Variants in MIOS observed in about 807,000 individuals in gnomAD.
MIOS encodes meiosis regulator for oocyte development.
Under a neutral mutation model 96.9 loss-of-function variants are expected in MIOS, and 52 were observed. The observed-to-expected ratio is 0.54, with a 90% CI of 0.43 to 0.68. The LOEUF (loss-of-function observed/expected upper bound fraction) is 0.68, where lower values mean the gene tolerates loss of function less well. Ranked by LOEUF, MIOS falls within the 30% of genes least tolerant of loss-of-function variation. MIOS has a pLI of 0.00. For synonymous variants in MIOS, 397 were observed against 359.5 expected, an observed-to-expected ratio of 1.10 and a Z score of -1.18; for missense variants, 1,005 against 1,052.8, an observed-to-expected ratio of 0.95 and a Z score of 0.63.
At chr7:7,584,215 C>G (rs1369814918) in intron 6 of MIOS, among the ~76,000 whole-genome samples, 2 of 151,372 alleles carry the variant, frequency 1.3e-5, no homozygotes, top group Admixed American at 1.3e-4. Flanking sequence ...CAATGTTTTG[C>G]TCAGATTGGC....
At chr7:7,585,065 A>T (rs1388382430) in intron 6 of MIOS, among the ~76,000 whole-genome samples, 1 of 152,164 alleles carries the variant, frequency 6.6e-6, no homozygotes, top group Non-Finnish European at 1.5e-5. Context: ...TCTGCATTAT[A>T]TATTTAGGAA....
chr7:7,586,988 C>CTTTTTTTTTT (rs71988879), intron 7 of MIOS, among the ~76,000 whole-genome samples: 5 of 123,042 alleles, frequency 4.1e-5, no homozygotes, highest in African/African-American at 1.5e-4. Flanking sequence ...TTTTCTTTCC[C>CTTTTTTTTTT]TTTTTTTTTT....
chr7:7,603,431 C>A (rs921083893), intron 11 of MIOS, among the ~76,000 whole-genome samples: 3 of 152,196 alleles, frequency 2.0e-5, no homozygotes, highest in African/African-American at 4.8e-5. Context: ...CAAAAGAAGA[C>A]ATTTATGCAG....
intron 11 of MIOS, among the ~76,000 whole-genome samples, chr7:7,603,134 C>T (rs1221382612): frequency 6.6e-6 from 1 of 152,164 alleles, no homozygotes; most frequent in Non-Finnish European, 1.5e-5. Flanking sequence ...AAAGGCAATA[C>T]CATTCAGGAC....
intron 6 of MIOS, among the ~76,000 whole-genome samples, chr7:7,583,762 C>G (rs888257528): frequency 7.9e-5 from 12 of 152,190 alleles, no homozygotes; most frequent in Admixed American, 4.6e-4. Context: ...TTTATACTTT[C>G]TTTGGGATGG....
intron 3 of MIOS, among the ~76,000 whole-genome samples, chr7:7,569,010 A>G (rs1445086898): frequency 2.6e-5 from 4 of 152,242 alleles, no homozygotes; most frequent in African/African-American, 9.6e-5. Flanking sequence ...TGTGGCATCA[A>G]GATTGCTTAC....
chr7:7,592,538 G>A (rs952977388), intron 9 of MIOS, among the ~76,000 whole-genome samples: 1 of 152,024 alleles, frequency 6.6e-6, no homozygotes, highest in Non-Finnish European at 1.5e-5. Flanking sequence ...AATACATAAT[G>A]AAATAATTCT....
chr7:7,596,517 G>A lies in MIOS; in HGVS notation c.2401+56G>A, dbSNP rs542045695. ...GAACTGAAATGATTCTTACATAATT[G>A]AGTTAATGTTGCAAATAAAATACAA... On this transcript the variant is annotated intron_variant, in intron 11 of 12. Transcript: ENST00000340080. 16 of 1,499,156 alleles carry A rather than the reference G, an allele frequency of 1.1e-5. No individual in the cohort carries two copies. The South Asian group carries it at 1.8e-4, about 17-fold the overall frequency. The allele number at this position is 1,499,156 out of a possible 1,614,324, so 92.9% of individuals were successfully genotyped here.
chr7:7,601,944 G>A (rs1213561948), intron 11 of MIOS, among the ~76,000 whole-genome samples: 1 of 152,060 alleles, frequency 6.6e-6, no homozygotes, highest in Non-Finnish European at 1.5e-5. Flanking sequence ...ATGTAATCCA[G>A]CACATAAACA....
intron 10 of MIOS, 137 bp from the exon 11 acceptor site, chr7:7,596,120 C>T: frequency 1.4e-6 from 1 of 732,714 alleles, no homozygotes; most frequent in South Asian, 2.3e-5. Flanking sequence ...GCTAGTCAAC[C>T]TTAGCAGATC....
In MIOS at chr7:7,572,943, T is replaced by A; in HGVS notation, c.468T>A (p.Val156=). 6.2e-7 allele frequency: 1 copy of A among 1,614,128 alleles called. No individual in the cohort carries two copies. Among genetic ancestry groups the A allele is most frequent in the Non-Finnish European group, 8.5e-7 (1 of 1,179,986 alleles). The part of the protein sequence containing the change: ...DICSKYTPDI[V]PMEKVKLSAG... ...GCAGCAAATATACTCCTGATATAGT[T>A]CCCATGGAAAAAGTGAAACTTTCAG... Residue 156 remains valine (V), a synonymous_variant, in exon 4 of 13, where the codon GTT becomes GTA. Coordinates refer to ENST00000340080, the MANE Select transcript of MIOS (RefSeq NM_019005.4). This position sits in a 1 kb window ranked among gnomAD's most constrained non-coding sequence, Gnocchi z 4.8.
chr7:7,592,021 C>A (rs896749727), intron 9 of MIOS, among the ~76,000 whole-genome samples: 1 of 151,320 alleles, frequency 6.6e-6, no homozygotes, highest in African/African-American at 2.4e-5. Flanking sequence ...TGCTGTGTCA[C>A]GCAGGCTGGA....
At chr7:7,582,889 C>G in intron 5 of MIOS, 1 of 472,696 alleles carries the variant, frequency 2.1e-6, no homozygotes, top group Non-Finnish European at 3.5e-6. Context: ...TTTAGTCCAT[C>G]TGAGCATTTG....
intron 3 of MIOS, among the ~76,000 whole-genome samples, chr7:7,571,270 T>C (rs1783343331): frequency 6.6e-6 from 1 of 152,246 alleles, no homozygotes; most frequent in Non-Finnish European, 1.5e-5. Flanking sequence ...TTTTTAACTA[T>C]AGCTATATTT....
chr7:7,572,442 G>A lies in MIOS; in HGVS notation c.-34G>A. The A allele has an allele frequency of 6.7e-7, 1 of 1,502,592 alleles. No homozygotes were observed. Among genetic ancestry groups the A allele is most frequent in the Admixed American group, 1.9e-5 (1 of 52,666 alleles). The allele number at this position is 1,502,592 out of a possible 1,614,324, so 93.1% of individuals were successfully genotyped here. ...TATTTTTAAACATTTTCAGTGAATG[G>A]ACCTGAGTGGACCCTTTGATCACAT... On this transcript the variant is annotated 5_prime_UTR_variant, in exon 4 of 13. Coordinates refer to ENST00000340080, the MANE Select transcript of MIOS (RefSeq NM_019005.4). The surrounding 1 kb of genome is among the most constrained non-coding windows in gnomAD (Gnocchi z 4.8).
At chr7:7,589,695 G>A in intron 9 of MIOS, 132 bp downstream of exon 9, 1 of 927,606 alleles carries the variant, frequency 1.1e-6, no homozygotes. Context: ...CTAATCAGTT[G>A]ATCTACTGAA....
chr7:7,608,222 A>G lies in MIOS; in HGVS notation c.*1130A>G, dbSNP rs1784582489. On this transcript the variant is annotated 3_prime_UTR_variant, in exon 13 of 13. Coordinates refer to ENST00000340080, the MANE Select transcript of MIOS (RefSeq NM_019005.4). ...GTAAGAGAAATACAAAGAATTTACA[A>G]GATGCTTCTCTGTCATCTGCCATAT... is the stretch of plus-strand genomic sequence containing the variant. The G allele has an allele frequency of 6.6e-6, 1 of 152,118 alleles. No homozygotes were observed. The highest frequency in any genetic ancestry group is 2.4e-5 in the African/African-American group (1 of 41,454). The allele number at this position is 152,118 out of a possible 1,614,324, so 9.4% of individuals were successfully genotyped here.
chr7:7,578,013 G>C (rs1205688782), intron 5 of MIOS, among the ~76,000 whole-genome samples: 1 of 152,166 alleles, frequency 6.6e-6, no homozygotes, highest in African/African-American at 2.4e-5. Context: ...TAGTGGTGAA[G>C]ACACTGCGAG....
rs1563040842 is a variant in MIOS at position 7,597,484 on chromosome 7, AT to A, written c.2401+1024del. 2.2e-3 allele frequency among the ~76,000 whole-genome samples: 115 copies of A among 51,352 alleles called. 8 individuals carry two copies. The highest frequency in any genetic ancestry group is 5.0e-3 in the South Asian group (9 of 1,814). 33.7% of individuals were successfully genotyped at this position (51,352 alleles called of 152,430 possible). ...CTAGTAAATTTATATATATATATAT[AT>A]ATATATATATATATATATATATATA... On this transcript the variant is annotated intron_variant, in intron 11 of 12. Transcript: ENST00000340080.
Sources: allele counts gnomAD v4.1 joint callset (sites outside exome capture counted in the v4.1 genomes callset), GRCh38; gene constraint gnomAD v4.1.1; non-coding constraint Gnocchi (gnomAD v3.1); transcripts MANE v1.5; gene names NCBI Gene and HGNC (gene_info 2026-07-23, HGNC 2026-07-21).